Variants in XKR9 observed in about 807,000 individuals in gnomAD.
The protein encoded by XKR9 is XK related 9.
XKR9 carries 32 observed loss-of-function variants against 32.0 expected under a neutral mutation model. The observed-to-expected ratio is 1.00, with a 90% CI of 0.76 to 1.34. The LOEUF (loss-of-function observed/expected upper bound fraction) is 1.34. Among genes scored for constraint, XKR9 ranks in the 40% most tolerant of loss-of-function variants. The pLI is 0.00. For synonymous variants in XKR9, 168 were observed against 143.4 expected (o/e 1.17, Z -1.22); for missense variants, 546 against 429.7 (o/e 1.27, Z -2.39).
intron 3 of XKR9, among the ~76,000 whole-genome samples, chr8:70,700,673 A>G (rs1805490909): frequency 6.6e-6 from 1 of 152,118 alleles, no homozygotes. Context: ...CCGTTCTGAG[A>G]TCTCCAGCTG....
the XKR9 span, among the ~76,000 whole-genome samples, chr8:70,962,590 T>C: frequency 3.0e-3 from 463 of 152,320 alleles, 1 homozygote; most frequent in Non-Finnish European, 6.1e-3. Context: ...TACCACACTT[T>C]CTTTATCCGA....
At chr8:71,063,696 A>C in the XKR9 span, among the ~76,000 whole-genome samples, 28 of 152,252 alleles carry the variant, frequency 1.8e-4, no homozygotes, top group African/African-American at 4.8e-4. Flanking sequence ...GCTTTCCACA[A>C]AAAAAAATCT....
chr8:71,014,657 T>C, the XKR9 span, among the ~76,000 whole-genome samples: 6 of 152,188 alleles, frequency 3.9e-5, no homozygotes, highest in African/African-American at 1.4e-4. Flanking sequence ...TAAGATCATA[T>C]ACACAGGTCC....
the XKR9 span, among the ~76,000 whole-genome samples, chr8:71,062,176 A>T: frequency 6.6e-6 from 1 of 152,160 alleles, no homozygotes; most frequent in African/African-American, 2.4e-5. Flanking sequence ...CCGTCACAGG[A>T]TGCCTGCAAA....
chr8:70,749,244 G>C (rs1368778798), intron 2 of XKR9, among the ~76,000 whole-genome samples: 1 of 151,936 alleles, frequency 6.6e-6, no homozygotes, highest in Non-Finnish European at 1.5e-5. Context: ...CTGCTGAATG[G>C]TGGGACTGAA....
At chr8:70,674,322 A>T (rs963979085) in intron 1 of XKR9, among the ~76,000 whole-genome samples, 1 of 152,240 alleles carries the variant, frequency 6.6e-6, no homozygotes, top group African/African-American at 2.4e-5. Context: ...ACAGAATTTC[A>T]TCAGATAGAT....
At chr8:70,710,715 AC>A (rs1342696385) in intron 4 of XKR9, among the ~76,000 whole-genome samples, 1 of 152,118 alleles carries the variant, frequency 6.6e-6, no homozygotes, top group African/African-American at 2.4e-5. Flanking sequence ...AACAACAACA[AC>A]AACAACAAAA....
chr8:70,751,021 G>A (rs1304550463), intron 2 of XKR9, among the ~76,000 whole-genome samples: 1 of 152,166 alleles, frequency 6.6e-6, no homozygotes, highest in Non-Finnish European at 1.5e-5. Context: ...CTACCTCAAG[G>A]AAGAGAGAAT....
chr8:70,953,344 C>A, the XKR9 span, among the ~76,000 whole-genome samples: 2 of 152,218 alleles, frequency 1.3e-5, no homozygotes, highest in Non-Finnish European at 2.9e-5. Context: ...CAGGGTCTTG[C>A]TCTGTCACCT....
intron 4 of XKR9, among the ~76,000 whole-genome samples, chr8:70,731,546 C>T (rs532431554): frequency 4.6e-5 from 7 of 152,120 alleles, no homozygotes; most frequent in African/African-American, 9.7e-5. Context: ...TAACATTTTC[C>T]GTCTAGCAAA....
At chr8:70,938,503 G>C in the XKR9 span, among the ~76,000 whole-genome samples, 1 of 151,888 alleles carries the variant, frequency 6.6e-6, no homozygotes, top group Non-Finnish European at 1.5e-5. Flanking sequence ...TCATGTATGT[G>C]CTCCCAGCCC....
At chr8:70,673,722 G>A (rs185493772) in intron 1 of XKR9, among the ~76,000 whole-genome samples, 11 of 151,934 alleles carry the variant, frequency 7.2e-5, no homozygotes, top group Admixed American at 5.9e-4. Flanking sequence ...CTGAGATCGC[G>A]GCACTGCACT....
chr8:70,821,622 C>A, the XKR9 span, among the ~76,000 whole-genome samples: 1 of 152,210 alleles, frequency 6.6e-6, no homozygotes, highest in African/African-American at 2.4e-5. Context: ...GGTGGAGGTT[C>A]CCAAACCTCA....
chr8:70,669,355 C>CGCGCGGGCT lies in XKR9; in HGVS notation c.-535_-527dup, dbSNP rs1180210517. ...TGCGGAACTAGAGGTCACGTGACGC[C>CGCGCGGGCT]GCGCGGGCTGCGCGGGCAGTGGTGG... is the stretch of plus-strand genomic sequence containing the variant. On this transcript the variant is annotated 5_prime_UTR_variant, in exon 1 of 5. Transcript: ENST00000408926. 1 of 488,872 alleles carries CGCGCGGGCT rather than the reference C, an allele frequency of 2.0e-6. No individual in the cohort carries two copies. Among genetic ancestry groups the CGCGCGGGCT allele is most frequent in the Non-Finnish European group, 3.6e-6 (1 of 280,286 alleles). The allele number at this position is 488,872 out of a possible 1,614,324, so 30.3% of individuals were successfully genotyped here. A position where few individuals can be genotyped will look rare whatever the true frequency, so the allele number is the denominator to read the frequency against.
chr8:70,888,919 T>A, the XKR9 span, among the ~76,000 whole-genome samples: 8 of 152,060 alleles, frequency 5.3e-5, no homozygotes, highest in Admixed American at 1.3e-4. Context: ...TTGCTCAGCA[T>A]TGCTTTGGCT....
the XKR9 span, among the ~76,000 whole-genome samples, chr8:70,974,929 T>C: frequency 6.6e-6 from 1 of 152,244 alleles, no homozygotes; most frequent in South Asian, 2.1e-4. Context: ...ATGATTGCCA[T>C]TCTAACTGGT....
the XKR9 span, among the ~76,000 whole-genome samples, chr8:70,836,776 A>T: frequency 6.6e-6 from 1 of 152,068 alleles, no homozygotes; most frequent in Non-Finnish European, 1.5e-5. Context: ...TTACTTAAAA[A>T]ATATTTATTG....
At chr8:70,906,615 G>A in the XKR9 span, among the ~76,000 whole-genome samples, 1 of 152,130 alleles carries the variant, frequency 6.6e-6, no homozygotes, top group African/African-American at 2.4e-5. Flanking sequence ...TTGCTCAAAG[G>A]TAAACACTTA....
At chr8:70,828,419 A>G in the XKR9 span, among the ~76,000 whole-genome samples, 1 of 152,106 alleles carries the variant, frequency 6.6e-6, no homozygotes, top group African/African-American at 2.4e-5. Context: ...GAACACCTAG[A>G]CAGTCAGTGT....
Sources: allele counts gnomAD v4.1 joint callset (sites outside exome capture counted in the v4.1 genomes callset), GRCh38; gene constraint gnomAD v4.1.1; transcripts MANE v1.5; gene names NCBI Gene and HGNC (gene_info 2026-07-23, HGNC 2026-07-21).